SLC27A4: variants seen among roughly 807,000 people sequenced by gnomAD.
The protein encoded by SLC27A4 is long-chain fatty acid transport protein 4.
Under a neutral mutation model 64.4 loss-of-function variants are expected in SLC27A4, and 33 were observed. The ratio of observed to expected loss-of-function variants is 0.51; its 90% CI spans 0.39 to 0.68. The LOEUF is 0.68. Ranked by LOEUF, SLC27A4 falls within the 30% of genes least tolerant of loss-of-function variation. SLC27A4 has a pLI of 0.00. For synonymous variants in SLC27A4, 377 were observed against 370.0 expected (o/e 1.02, Z -0.22); for missense variants, 824 against 883.5 (o/e 0.93, Z 0.85).
At chr9:128,359,321 T>A (rs1414583861) in intron 12 of SLC27A4, among the ~76,000 whole-genome samples, 1 of 152,074 alleles carries the variant, frequency 6.6e-6, no homozygotes, top group Non-Finnish European at 1.5e-5. Flanking sequence ...AAACCCCATC[T>A]CTACAAGAAA....
Position 128,340,851 on chromosome 9 carries a change from C to G in SLC27A4, c.-7+13C>G, listed in dbSNP as rs1375851358. 1.5e-6 allele frequency: 1 copy of G among 664,136 alleles called. No individual in the cohort carries two copies. The highest frequency in any genetic ancestry group is 2.2e-5 in the Admixed American group (1 of 45,564). 41.1% of individuals were successfully genotyped at this position (664,136 alleles called of 1,614,324 possible). A position where few individuals can be genotyped will look rare whatever the true frequency, so the allele number is the denominator to read the frequency against. The stretch of plus-strand genomic sequence containing the variant: ...GAGCCGACGCCGGGTGAGCATAGAC[C>G]GGGCTGGTGGGTTCCCGGGTGGGGA... On this transcript the variant is annotated intron_variant, in intron 1 of 12. Transcript: ENST00000300456.
At chr9:128,351,037 G>A (rs1355994146) in intron 6 of SLC27A4, among the ~76,000 whole-genome samples, 2 of 152,030 alleles carry the variant, frequency 1.3e-5, no homozygotes, top group Non-Finnish European at 2.9e-5. Flanking sequence ...AGCTTGCAGT[G>A]AGCCAAGATC....
rs368302025 is a variant in SLC27A4 at position 128,340,539 on chromosome 9, G to A, written c.-306G>A. On this transcript the variant is annotated 5_prime_UTR_variant, in exon 1 of 13. Transcript: ENST00000300456. ...GCCGAGCGGCGTCAGGCGCGCTGGG[G>A]CTGCGCTGCGCCGCCGGCTCTGTGG... 22 of 177,664 alleles carry A rather than the reference G, an allele frequency of 1.2e-4. No individual in the cohort carries two copies. The highest frequency in any genetic ancestry group is 4.8e-4 in the East Asian group (3 of 6,274). The allele number at this position is 177,664 out of a possible 1,614,324, so 11.0% of individuals were successfully genotyped here. A position where few individuals can be genotyped will look rare whatever the true frequency, so the allele number is the denominator to read the frequency against.
intron 6 of SLC27A4, among the ~76,000 whole-genome samples, chr9:128,350,993 T>G (rs1245270258): frequency 3.3e-5 from 5 of 151,590 alleles, no homozygotes; most frequent in South Asian, 2.1e-4. Flanking sequence ...CTCGGGAGGG[T>G]GAGGCAGGAG....
chr9:128,355,584 G>C (rs768687772), intron 11 of SLC27A4, 22 bp downstream of exon 11: 1 of 1,607,854 alleles, frequency 6.2e-7, no homozygotes, highest in Admixed American at 1.7e-5. Flanking sequence ...CAGGCGCGAG[G>C]TGTGGGTAGG....
rs367995138 is a variant in SLC27A4 at position 128,360,324 on chromosome 9, G to C, written c.1775-10G>C. ...TGCCCTGCACTGAGTCTTCTTCCCTGCTCTCCCAGGAACCTACAAGTTCCA... is the reference window on the plus strand; with the variant it reads ...TGCCCTGCACTGAGTCTTCTTCCCTCCTCTCCCAGGAACCTACAAGTTCCA... On this transcript the variant is annotated splice_polypyrimidine_tract_variant and intron_variant, in intron 12 of 12. Coordinates refer to ENST00000300456, the MANE Select transcript of SLC27A4 (RefSeq NM_005094.4). The C allele has an allele frequency of 3.7e-6, 6 of 1,614,014 alleles. No homozygotes were observed. The African/African-American group carries it at 4.0e-5, about 11-fold the overall frequency.
At chr9:128,346,390 C>T (rs371586926) in intron 3 of SLC27A4, among the ~76,000 whole-genome samples, 2 of 151,830 alleles carry the variant, frequency 1.3e-5, no homozygotes, top group Admixed American at 6.6e-5. Context: ...CCCGCCACCA[C>T]GCCCAGCTAA....
At chr9:128,341,299 C>T (rs1353835724) in intron 1 of SLC27A4, among the ~76,000 whole-genome samples, 1 of 152,190 alleles carries the variant, frequency 6.6e-6, no homozygotes, top group African/African-American at 2.4e-5. Flanking sequence ...TCATCTACTC[C>T]CAAGAACAGG....
intron 3 of SLC27A4, among the ~76,000 whole-genome samples, chr9:128,347,899 G>C (rs1832680205): frequency 3.3e-5 from 5 of 150,842 alleles, no homozygotes; most frequent in Admixed American, 3.3e-4. Context: ...AAAAAAGAAA[G>C]GAAAGAAAAA....
rs587776379 is a variant in SLC27A4 at position 128,345,516 on chromosome 9, C to T, written c.523C>T (p.Arg175Trp). The change falls in exon 3 of 13, where the codon CGG (arginine) becomes TGG (tryptophan). Residue 175 changes from arginine to tryptophan, a missense_variant. Physicochemically the swap from Arg to Trp is moderately radical, Grantham distance 101. Coordinates refer to ENST00000300456, the MANE Select transcript of SLC27A4 (RefSeq NM_005094.4). This position sits in a 1 kb window ranked among gnomAD's most constrained non-coding sequence, Gnocchi z 4.1. ...LLHCLTTSRARALVFGSEMAS... is the reference protein window; with the variant it reads ...LLHCLTTSRAWALVFGSEMAS... ...CCACTGCCTCACCACCTCGCGCGCA[C>T]GGGCCCTTGTCTTTGGCAGCGAAAT... The T allele has an allele frequency of 8.1e-6, 13 of 1,609,072 alleles. No homozygotes were observed. Among genetic ancestry groups the T allele is most frequent in the Admixed American group, 5.0e-5 (3 of 59,580 alleles).
chr9:128,355,586 G>A (rs931997365), intron 11 of SLC27A4, 24 bp downstream of exon 11: 12 of 1,607,694 alleles, frequency 7.5e-6, no homozygotes, highest in African/African-American at 4.0e-5. Context: ...GGCGCGAGGT[G>A]TGGGTAGGGA....
chr9:128,354,822 G>A (rs566641837), intron 9 of SLC27A4, among the ~76,000 whole-genome samples: 10 of 152,024 alleles, frequency 6.6e-5, no homozygotes, highest in African/African-American at 9.6e-5. Context: ...GCCTGTTGGC[G>A]TGTGCCTGTA....
In SLC27A4 at chr9:128,355,491, C is replaced by T; in HGVS notation, c.1556C>T (p.Thr519Ile). ...FRWKGENVST[T>I]EVEGTLSRLL... ...TGGAAAGGTGAGAACGTGTCCACCA[C>T]CGAGGTGGAAGGCACACTCAGCCGC... is the stretch of plus-strand genomic sequence containing the variant. Residue 519 changes from threonine (T) to isoleucine (I), a missense_variant, in exon 11 of 13, where the codon ACC becomes ATC. Thr to Ile is a moderately conservative substitution (Grantham distance 89). Transcript: ENST00000300456. The T allele has an allele frequency of 6.2e-6, 10 of 1,613,464 alleles. No homozygotes were observed. Among genetic ancestry groups the T allele is most frequent in the African/African-American group, 2.7e-5 (2 of 75,040 alleles).
rs145969067 is a variant in SLC27A4, at chr9:128,353,450, C to T, written c.1233C>T (p.Ser411=). 1.2e-6 allele frequency: 2 copies of T among 1,614,054 alleles called. No homozygotes were observed. The highest frequency in any genetic ancestry group is 2.7e-5 in the African/African-American group (2 of 74,906). Residue 411 remains serine, a synonymous_variant, in exon 9 of 13, where the codon TCC becomes TCT. Coordinates refer to ENST00000300456, the MANE Select transcript of SLC27A4 (RefSeq NM_005094.4). The surrounding 1 kb of genome is among the most constrained non-coding windows in gnomAD (Gnocchi z 4.9). The stretch of plus-strand genomic sequence containing the variant: ...GTGGTTTCAATAGCCGCATCCTGTC[C>T]TTCGTGTACCCCATCCGGTTGGTAC... The part of the protein sequence containing the change: ...GACGFNSRIL[S]FVYPIRLVRV...
intron 2 of SLC27A4, among the ~76,000 whole-genome samples, chr9:128,344,053 C>T (rs1156253527): frequency 6.6e-6 from 1 of 152,124 alleles, no homozygotes; most frequent in Non-Finnish European, 1.5e-5. Context: ...GAGTGGCACA[C>T]CAGGAAGGGT....
In SLC27A4 at chr9:128,353,103, C is replaced by G; in HGVS notation, c.1066C>G (p.Arg356Gly). The G allele has an allele frequency of 6.2e-7, 1 of 1,614,182 alleles. No homozygotes were observed. Among genetic ancestry groups the G allele is most frequent in the Non-Finnish European group, 8.5e-7 (1 of 1,180,022 alleles). ...PREAENQHQV[R>G]MALGNGLRQS... ...GGAGGCAGAAAACCAGCACCAGGTT[C>G]GCATGGCACTAGGCAATGGCCTCCG... The change falls in exon 8 of 13, where the codon CGC becomes GGC. Residue 356 changes from arginine to glycine, a missense_variant. By Grantham distance (125) the Arg-to-Gly change is moderately radical. Transcript: ENST00000300456. This position sits in a 1 kb window ranked among gnomAD's most constrained non-coding sequence, Gnocchi z 4.9.
Position 128,342,194 on chromosome 9 carries a change from C to G in SLC27A4, c.-6-933C>G, listed in dbSNP as rs755584893. ...GCCACTGCGCAGACCAGACTTCGCTCGTTCTCGCATGCCTCGCTCCGCTTT... is the reference window on the plus strand; with the variant it reads ...GCCACTGCGCAGACCAGACTTCGCTGGTTCTCGCATGCCTCGCTCCGCTTT... On this transcript the variant is annotated intron_variant, in intron 1 of 12. Coordinates refer to ENST00000300456, the MANE Select transcript of SLC27A4 (RefSeq NM_005094.4). The G allele has an allele frequency of 1.0e-5, 16 of 1,550,456 alleles. No homozygotes were observed. The South Asian group carries it at 1.6e-4, about 15-fold the overall frequency.
At chr9:128,342,220 T>C (rs1832584316) in intron 1 of SLC27A4, 4 of 1,606,922 alleles carry the variant, frequency 2.5e-6, no homozygotes, top group Non-Finnish European at 3.4e-6. Context: ...GCTCCGCTTT[T>C]CCTCCGCAAC....
chr9:128,346,295 G>A (rs973167200), intron 3 of SLC27A4, among the ~76,000 whole-genome samples: 9 of 151,686 alleles, frequency 5.9e-5, no homozygotes, highest in Non-Finnish European at 1.2e-4. Flanking sequence ...GTGCAGTGGC[G>A]TGATCTCGGC....
Sources: allele counts gnomAD v4.1 joint callset (sites outside exome capture counted in the v4.1 genomes callset), GRCh38; gene constraint gnomAD v4.1.1; non-coding constraint Gnocchi (gnomAD v3.1); transcripts MANE v1.5; gene names NCBI Gene and HGNC (gene_info 2026-07-23, HGNC 2026-07-21).